SH3RF2: variants seen among roughly 807,000 people sequenced by gnomAD.
The protein encoded by SH3RF2 is SH3 domain containing ring finger 2.
Under a neutral mutation model 59.0 loss-of-function variants are expected in SH3RF2, and 43 were observed. That is an observed-to-expected ratio of 0.73 (90% CI 0.57 to 0.94). The LOEUF (loss-of-function observed/expected upper bound fraction) is 0.94, where lower values mean the gene tolerates loss of function less well. Ranked by LOEUF, SH3RF2 falls within the 40% of genes least tolerant of loss-of-function variation. The pLI is 0.00. For synonymous variants in SH3RF2, 391 were observed against 391.5 expected, an observed-to-expected ratio of 1.00 and a Z score of 0.01; for missense variants, 930 against 940.1, an observed-to-expected ratio of 0.99 and a Z score of 0.14.
chr5:146,002,574 C>T (rs550154303), intron 3 of SH3RF2, among the ~76,000 whole-genome samples: 5 of 152,042 alleles, frequency 3.3e-5, no homozygotes, highest in African/African-American at 1.2e-4. Flanking sequence ...TGTGTAAGAG[C>T]AGGGGCCCCC....
intron 1 of SH3RF2, among the ~76,000 whole-genome samples, chr5:145,937,422 G>A (rs1300162287): frequency 1.3e-5 from 2 of 152,178 alleles, no homozygotes; most frequent in Non-Finnish European, 2.9e-5. Context: ...GAAGGAGGAG[G>A]AGGAGATAGC....
intron 4 of SH3RF2, among the ~76,000 whole-genome samples, chr5:146,004,681 TAATATGG>T (rs1760565851): frequency 3.3e-5 from 1 of 30,472 alleles, no homozygotes. Context: ...TTATGGAGAA[TAATATGG>T]AGAATAATAT....
At chr5:146,022,816 G>T (rs1761377009) in intron 5 of SH3RF2, among the ~76,000 whole-genome samples, 1 of 151,824 alleles carries the variant, frequency 6.6e-6, no homozygotes, top group African/African-American at 2.4e-5. Context: ...AGGTTGCAGT[G>T]AGCCGAGATC....
In SH3RF2 at chr5:145,947,279, C is replaced by T. The variant is rs371608197; in HGVS notation, c.378+8973C>T. Reference sequence around the variant, plus strand: ...ATTTTCTGCTGCTTCTGACCTTAGACATCTGATGATACAAGTAAACAAGAC... The same window carrying T: ...ATTTTCTGCTGCTTCTGACCTTAGATATCTGATGATACAAGTAAACAAGAC... On this transcript the variant is annotated intron_variant, in intron 2 of 9. Coordinates refer to ENST00000359120, the MANE Select transcript of SH3RF2 (RefSeq NM_152550.4). Among the ~76,000 whole-genome samples the T allele has an allele frequency of 6.6e-5, 10 of 152,150 alleles. No homozygotes were observed. In the East Asian group the frequency reaches 7.7e-4, roughly 12 times the overall value.
At chr5:146,046,831 A>G (rs545609989) in intron 5 of SH3RF2, among the ~76,000 whole-genome samples, 1 of 151,840 alleles carries the variant, frequency 6.6e-6, no homozygotes, top group African/African-American at 2.4e-5. Flanking sequence ...TGGCACAACC[A>G]TGGCTCACTG....
At chr5:146,055,386 G>T (rs750608252) in intron 7 of SH3RF2, among the ~76,000 whole-genome samples, 1 of 152,220 alleles carries the variant, frequency 6.6e-6, no homozygotes, top group African/African-American at 2.4e-5. Flanking sequence ...AAGAACCCAT[G>T]AGAAAATATG....
chr5:145,998,066 A>C, intron 2 of SH3RF2: 1 of 575,822 alleles, frequency 1.7e-6, no homozygotes, highest in South Asian at 2.5e-5. Flanking sequence ...TGAAGTTGCA[A>C]ATAATGATGA....
chr5:145,958,924 G>T (rs150101364), intron 2 of SH3RF2, among the ~76,000 whole-genome samples: 51 of 152,240 alleles, frequency 3.3e-4, no homozygotes, highest in Non-Finnish European at 6.8e-4. Flanking sequence ...GACCTCTGGT[G>T]CTCAACAGCA....
At chr5:146,007,376 G>A (rs1483051694) in intron 4 of SH3RF2, among the ~76,000 whole-genome samples, 1 of 152,200 alleles carries the variant, frequency 6.6e-6, no homozygotes, top group African/African-American at 2.4e-5. Flanking sequence ...GGAGAGAAGT[G>A]TTCAAGGACA....
At chr5:145,989,694 G>A (rs949353819) in intron 2 of SH3RF2, among the ~76,000 whole-genome samples, 10 of 152,144 alleles carry the variant, frequency 6.6e-5, no homozygotes, top group East Asian at 1.9e-4. Flanking sequence ...CACCTGATGC[G>A]AGGAGTAGAG....
At chr5:145,960,593 C>A (rs1758594585) in intron 2 of SH3RF2, among the ~76,000 whole-genome samples, 1 of 152,138 alleles carries the variant, frequency 6.6e-6, no homozygotes, top group African/African-American at 2.4e-5. Context: ...CCCCTGGTTT[C>A]CTAGTGTCTG....
intron 2 of SH3RF2, among the ~76,000 whole-genome samples, chr5:145,995,644 T>C (rs1360119994): frequency 2.0e-5 from 3 of 152,192 alleles, no homozygotes; most frequent in African/African-American, 7.2e-5. Flanking sequence ...TATTTTATTA[T>C]AGAAAAGTTA....
At chr5:145,983,465 C>A (rs1005562536) in intron 2 of SH3RF2, among the ~76,000 whole-genome samples, 2 of 152,048 alleles carry the variant, frequency 1.3e-5, no homozygotes, top group African/African-American at 4.8e-5. Flanking sequence ...ACAGGCCCAC[C>A]CAAATCCTCA....
chr5:145,986,056 C>T lies in SH3RF2; in HGVS notation c.379-14002C>T, dbSNP rs191580721. Among the ~76,000 whole-genome samples the T allele has an allele frequency of 6.2e-4, 93 of 149,372 alleles. 2 individuals carry two copies. The East Asian group carries it at 0.013, about 22-fold the overall frequency. On this transcript the variant is annotated intron_variant, in intron 2 of 9. Coordinates refer to ENST00000359120, the MANE Select transcript of SH3RF2 (RefSeq NM_152550.4). Reference sequence around the variant, plus strand: ...AAATAAATAAATAAATGTCTGTTATCGTTAGAGTTGGGAAGAATGGTAAAA... The same window carrying T: ...AAATAAATAAATAAATGTCTGTTATTGTTAGAGTTGGGAAGAATGGTAAAA...
intron 2 of SH3RF2, among the ~76,000 whole-genome samples, chr5:145,962,444 C>G (rs886412575): frequency 4.0e-4 from 61 of 152,150 alleles, no homozygotes; most frequent in African/African-American, 1.4e-3. Flanking sequence ...TTCTCTTAAC[C>G]CTTTGAGTTT....
chr5:145,975,892 G>A (rs1027802714), intron 2 of SH3RF2, among the ~76,000 whole-genome samples: 1 of 152,156 alleles, frequency 6.6e-6, no homozygotes, highest in Admixed American at 6.5e-5. Context: ...TTGTTGTAAG[G>A]CTTAGATGAG....
chr5:146,010,665 C>CATAA, intron 4 of SH3RF2, among the ~76,000 whole-genome samples: 2 of 152,198 alleles, frequency 1.3e-5, no homozygotes, highest in Non-Finnish European at 2.9e-5. Flanking sequence ...CTTTTTGCTG[C>CATAA]ATAAATGTCT....
At chr5:145,995,863 C>A (rs570791564) in intron 2 of SH3RF2, among the ~76,000 whole-genome samples, 15 of 152,032 alleles carry the variant, frequency 9.9e-5, no homozygotes, top group Non-Finnish European at 1.9e-4. Flanking sequence ...TTATCAGTAA[C>A]GCTCAATATT....
intron 2 of SH3RF2, among the ~76,000 whole-genome samples, chr5:145,990,622 G>A (rs1759897294): frequency 6.6e-6 from 1 of 152,196 alleles, no homozygotes; most frequent in South Asian, 2.1e-4. Context: ...TGTCTCTGAA[G>A]CCTATGCATT....
Sources: allele counts gnomAD v4.1 joint callset (sites outside exome capture counted in the v4.1 genomes callset), GRCh38; gene constraint gnomAD v4.1.1; transcripts MANE v1.5; gene names NCBI Gene and HGNC (gene_info 2026-07-23, HGNC 2026-07-21).